KIAA1217: variants seen among roughly 807,000 people sequenced by gnomAD.
KIAA1217 encodes sickle tail protein homolog.
KIAA1217 carries 88 observed loss-of-function variants against 163.9 expected under a neutral mutation model. The observed-to-expected ratio is 0.54, with a 90% CI of 0.45 to 0.64. The LOEUF (loss-of-function observed/expected upper bound fraction) is 0.64, where lower values mean the gene tolerates loss of function less well. KIAA1217 is among the 30% of genes least tolerant of loss of function. The pLI is 0.00. For synonymous variants in KIAA1217, 903 were observed against 923.1 expected, an observed-to-expected ratio of 0.98 and a Z score of 0.39; for missense variants, 2,372 against 2,475.0, an observed-to-expected ratio of 0.96 and a Z score of 0.88.
intron 1 of KIAA1217, among the ~76,000 whole-genome samples, chr10:23,778,954 A>G (rs939914892): frequency 6.9e-6 from 1 of 145,756 alleles, no homozygotes; most frequent in Non-Finnish European, 1.5e-5. Flanking sequence ...TGACTATACA[A>G]CTATTTATTT....
intron 2 of KIAA1217, among the ~76,000 whole-genome samples, chr10:24,230,078 A>G (rs1196922908): frequency 3.9e-5 from 6 of 152,236 alleles, no homozygotes; most frequent in Non-Finnish European, 7.3e-5. Flanking sequence ...AGAGAAAGCC[A>G]GTAACATGCT....
At chr10:24,335,324 C>A (rs1473810875) in intron 2 of KIAA1217, among the ~76,000 whole-genome samples, 1 of 144,622 alleles carries the variant, frequency 6.9e-6, no homozygotes, top group East Asian at 2.1e-4. Context: ...CGGAGTCTTG[C>A]TCTGTCACCC....
At chr10:24,000,006 C>T (rs923195490) in intron 1 of KIAA1217, among the ~76,000 whole-genome samples, 1 of 152,148 alleles carries the variant, frequency 6.6e-6, no homozygotes, top group African/African-American at 2.4e-5. Flanking sequence ...TTTGAGCTTA[C>T]AGTGAGCTGT....
chr10:24,544,672 A>G (rs2075509109), intron 19 of KIAA1217, among the ~76,000 whole-genome samples, 191 bp downstream of exon 19: 1 of 151,896 alleles, frequency 6.6e-6, no homozygotes, highest in Non-Finnish European at 1.5e-5. Flanking sequence ...CTAGGTATCT[A>G]ACAGCTAATC....
chr10:24,491,825 G>A (rs2066189574), intron 6 of KIAA1217, among the ~76,000 whole-genome samples: 1 of 151,954 alleles, frequency 6.6e-6, no homozygotes, highest in African/African-American at 2.4e-5. Context: ...TCTTCTGCAT[G>A]TACTAAGGTT....
intron 1 of KIAA1217, among the ~76,000 whole-genome samples, chr10:24,212,131 G>A (rs571989206): frequency 6.6e-6 from 1 of 151,352 alleles, no homozygotes; most frequent in Admixed American, 6.6e-5. Flanking sequence ...GAGAGGAGAG[G>A]AAAAAAGAAA....
At chr10:24,545,651 T>TG (rs1257380550) in intron 20 of KIAA1217, 176 bp from the exon 21 acceptor site, 8 of 1,424,242 alleles carry the variant, frequency 5.6e-6, no homozygotes, top group South Asian at 3.2e-5. Context: ...GCTATGTACA[T>TG]GGGGGGTTTC....
At chr10:24,078,986 C>T (rs946383344) in intron 2 of KIAA1217, among the ~76,000 whole-genome samples, 1 of 152,224 alleles carries the variant, frequency 6.6e-6, no homozygotes, top group African/African-American at 2.4e-5. Flanking sequence ...TTTAAGGTTT[C>T]TCATGGGTGT....
chr10:23,723,479 T>C (rs926636666), intron 1 of KIAA1217, among the ~76,000 whole-genome samples: 4 of 152,204 alleles, frequency 2.6e-5, no homozygotes, highest in African/African-American at 4.8e-5. Context: ...CATAGTGGTC[T>C]CTTCTAAGAA....
At chr10:24,319,050 G>A (rs958444405) in intron 2 of KIAA1217, among the ~76,000 whole-genome samples, 1 of 152,132 alleles carries the variant, frequency 6.6e-6, no homozygotes, top group African/African-American at 2.4e-5. Flanking sequence ...GCAGAGAAGA[G>A]CTTCACAGAG....
chr10:24,471,193 T>C (rs1415116322), intron 5 of KIAA1217, among the ~76,000 whole-genome samples: 1 of 152,054 alleles, frequency 6.6e-6, no homozygotes, highest in Non-Finnish European at 1.5e-5. Context: ...CATCATGGGG[T>C]CTCTTGGCTG....
intron 2 of KIAA1217, among the ~76,000 whole-genome samples, chr10:24,070,677 C>T (rs2061153213): frequency 6.6e-6 from 1 of 152,080 alleles, no homozygotes; most frequent in South Asian, 2.1e-4. Context: ...ACCTATTTTC[C>T]CACTGTGAGG....
intron 1 of KIAA1217, among the ~76,000 whole-genome samples, chr10:23,851,769 G>A (rs376060014): frequency 6.7e-6 from 1 of 150,262 alleles, no homozygotes; most frequent in African/African-American, 2.4e-5. Flanking sequence ...GCCAGTGATG[G>A]TGAGCATTTT....
At chr10:23,845,242 G>A (rs1377238413) in intron 1 of KIAA1217, among the ~76,000 whole-genome samples, 4 of 152,134 alleles carry the variant, frequency 2.6e-5, no homozygotes, top group Non-Finnish European at 4.4e-5. Flanking sequence ...AATCCTTTGG[G>A]TATATGCCCA....
intron 1 of KIAA1217, among the ~76,000 whole-genome samples, chr10:23,938,947 A>C (rs1226160099): frequency 2.6e-5 from 4 of 152,226 alleles, no homozygotes; most frequent in African/African-American, 9.6e-5. Context: ...CAAAAATAAC[A>C]CAGAAGATAG....
chr10:24,202,490 G>A (rs2067316197), intron 2 of KIAA1217, among the ~76,000 whole-genome samples: 1 of 152,094 alleles, frequency 6.6e-6, no homozygotes, highest in African/African-American at 2.4e-5. Context: ...TGACCTGCAG[G>A]GCCCTGTTCT....
chr10:24,334,047 G>A (rs2046019670), intron 2 of KIAA1217, among the ~76,000 whole-genome samples: 1 of 152,206 alleles, frequency 6.6e-6, no homozygotes, highest in African/African-American at 2.4e-5. Context: ...AGATAAGTTA[G>A]TGGGGGAGGG....
intron 1 of KIAA1217, among the ~76,000 whole-genome samples, chr10:23,963,365 G>A (rs1272196177): frequency 6.6e-6 from 1 of 152,146 alleles, no homozygotes; most frequent in Admixed American, 6.5e-5. Context: ...AACCTGCAGT[G>A]CTTGGTTTTC....
chr10:24,134,584 A>G (rs2063767428), intron 2 of KIAA1217, among the ~76,000 whole-genome samples: 1 of 151,928 alleles, frequency 6.6e-6, no homozygotes. Context: ...TAATTAATTT[A>G]TTTTTTAGAG....
Sources: allele counts gnomAD v4.1 joint callset (sites outside exome capture counted in the v4.1 genomes callset), GRCh38; gene constraint gnomAD v4.1.1; transcripts MANE v1.5; gene names NCBI Gene and HGNC (gene_info 2026-07-23, HGNC 2026-07-21).